MASP1: variants seen among roughly 807,000 people sequenced by gnomAD.
The protein encoded by MASP1 is MBL associated serine protease 1.
A neutral mutation model predicts 77.1 loss-of-function variants in MASP1; 59 were observed. The observed-to-expected ratio is 0.77, with a 90% CI of 0.62 to 0.95. The LOEUF (loss-of-function observed/expected upper bound fraction) is 0.95. MASP1 is among the 40% of genes least tolerant of loss of function. The pLI, the probability that MASP1 is intolerant of heterozygous loss-of-function variation, is 0.00. For synonymous variants in MASP1, 362 were observed against 354.5 expected (o/e 1.02, Z -0.24); for missense variants, 885 against 912.9 (o/e 0.97, Z 0.39).
chr3:187,236,521 G>T lies in MASP1; in HGVS notation c.1350C>A (p.Ile450=), dbSNP rs143748671. ...CAGGCTCAGCATTTCGGCCCCCAAT[G>T]ATCCTCTTGACCAGGCTTGGCAGGG... ...SRSLPSLVKR[I]IGGRNAEPGL... The change falls in exon 11 of 11, where the codon ATC becomes ATA. Residue 450 remains isoleucine, a synonymous_variant. Coordinates refer to ENST00000296280, the MANE Select transcript of MASP1 (RefSeq NM_139125.4). 6.2e-7 allele frequency: 1 copy of T among 1,613,928 alleles called. No homozygotes were observed. Among genetic ancestry groups the T allele is most frequent in the Non-Finnish European group, 8.5e-7 (1 of 1,179,986 alleles).
At chr3:187,278,956 T>A (rs1235503484) in intron 2 of MASP1, among the ~76,000 whole-genome samples, 5 of 152,154 alleles carry the variant, frequency 3.3e-5, no homozygotes, top group Non-Finnish European at 4.4e-5. Flanking sequence ...CTCGACTGTG[T>A]CACATCCCCG....
chr3:187,290,692 C>T (rs181582760), intron 1 of MASP1, among the ~76,000 whole-genome samples: 3 of 151,532 alleles, frequency 2.0e-5, no homozygotes, highest in Admixed American at 2.0e-4. Context: ...AGAAGAGAAA[C>T]AAATAAAAAC....
intron 5 of MASP1, 113 bp downstream of exon 5, chr3:187,256,551 G>C (rs1239306800): frequency 2.1e-6 from 2 of 944,320 alleles, no homozygotes; most frequent in Non-Finnish European, 3.4e-6. Context: ...TGAGGAACTA[G>C]CTGCTAGGCT....
At chr3:187,246,937 A>G in intron 8 of MASP1, 1 of 1,075,682 alleles carries the variant, frequency 9.3e-7, no homozygotes, top group Non-Finnish European at 1.1e-6. Context: ...GTTCATTTAA[A>G]CTTGACATGT....
chr3:187,221,479 T>C (rs769280691), intron 14 of MASP1, among the ~76,000 whole-genome samples: 39 of 152,324 alleles, frequency 2.6e-4, no homozygotes, highest in Non-Finnish European at 4.1e-4. Flanking sequence ...AAATGAAGTT[T>C]GGTTTTCTTT....
At chr3:187,224,571 C>T (rs971397785) in intron 13 of MASP1, among the ~76,000 whole-genome samples, 3 of 152,058 alleles carry the variant, frequency 2.0e-5, no homozygotes, top group Middle Eastern at 3.4e-3. Flanking sequence ...TGGTCTCGAT[C>T]TCCTGACCTC....
chr3:187,222,397 C>T (rs1712117119), intron 14 of MASP1, among the ~76,000 whole-genome samples: 3 of 152,146 alleles, frequency 2.0e-5, no homozygotes, highest in East Asian at 1.9e-4. Flanking sequence ...AATAGACCCC[C>T]GGGAGTTAGT....
At position 187,246,332 on chromosome 3, in the gene MASP1, A is replaced by G. The variant is rs575619130; in HGVS notation, c.1091-2711T>C. On this transcript the variant is annotated intron_variant, in intron 8 of 10. Transcript: ENST00000296280. ...CTTAAATTCTGATGCCCTGTATGTC[A>G]CTGAGTATGAATGCTGTTAATACGT... 5.1e-5 allele frequency: 49 copies of G among 966,318 alleles called. No homozygotes were observed. The African/African-American group carries it at 8.1e-4, about 16-fold the overall frequency. The allele number at this position is 966,318 out of a possible 1,614,324, so 59.9% of individuals were successfully genotyped here. A position where few individuals can be genotyped will look rare whatever the true frequency, so the allele number is the denominator to read the frequency against.
At chr3:187,221,653 C>A in intron 14 of MASP1, among the ~76,000 whole-genome samples, 1 of 152,166 alleles carries the variant, frequency 6.6e-6, no homozygotes, top group East Asian at 1.9e-4. Context: ...ACTACACACA[C>A]TGTATAAATA....
chr3:187,238,412 G>A (rs1183822849), intron 10 of MASP1, among the ~76,000 whole-genome samples: 1 of 152,194 alleles, frequency 6.6e-6, no homozygotes, highest in African/African-American at 2.4e-5. Context: ...ATGTGTTCTT[G>A]TCCTTTTAAG....
chr3:187,288,356 G>T (rs1718023906), intron 1 of MASP1, among the ~76,000 whole-genome samples: 1 of 152,220 alleles, frequency 6.6e-6, no homozygotes, highest in Non-Finnish European at 1.5e-5. Flanking sequence ...AAATGAACCA[G>T]TGTTAACAGG....
chr3:187,268,749 T>C (rs1418201578), intron 2 of MASP1, among the ~76,000 whole-genome samples: 5 of 151,974 alleles, frequency 3.3e-5, no homozygotes, highest in African/African-American at 1.2e-4. Flanking sequence ...ACTAGCTGGG[T>C]TGGAAAACAG....
downstream of MASP1, among the ~76,000 whole-genome samples, chr3:187,232,946 G>A (rs1381053800): frequency 6.6e-6 from 1 of 152,178 alleles, no homozygotes; most frequent in Non-Finnish European, 1.5e-5. Flanking sequence ...TGCGTCCCAT[G>A]GTGAGACTTC....
intron 1 of MASP1, among the ~76,000 whole-genome samples, chr3:187,290,435 A>G (rs1015800897): frequency 1.3e-5 from 2 of 152,264 alleles, no homozygotes; most frequent in Admixed American, 1.3e-4. Flanking sequence ...AGACCAGATC[A>G]TTGACAGATA....
At chr3:187,225,779 A>G (rs1204667401) in intron 12 of MASP1, among the ~76,000 whole-genome samples, 2 of 152,140 alleles carry the variant, frequency 1.3e-5, no homozygotes, top group African/African-American at 4.8e-5. Context: ...AATCCCTATC[A>G]TCACCTTCAG....
At chr3:187,252,884 C>G (rs1714737215) in intron 6 of MASP1, among the ~76,000 whole-genome samples, 1 of 152,208 alleles carries the variant, frequency 6.6e-6, no homozygotes, top group Non-Finnish European at 1.5e-5. Flanking sequence ...GGGTAGAGTT[C>G]AGGAAACAAG....
At chr3:187,279,532 T>C (rs914393543) in intron 2 of MASP1, among the ~76,000 whole-genome samples, 2 of 152,246 alleles carry the variant, frequency 1.3e-5, no homozygotes, top group Non-Finnish European at 2.9e-5. Flanking sequence ...GTGAAATTAA[T>C]TCAACCTTTG....
chr3:187,224,853 A>G (rs1040257317), intron 13 of MASP1, among the ~76,000 whole-genome samples: 8 of 152,194 alleles, frequency 5.3e-5, no homozygotes, highest in Non-Finnish European at 1.2e-4. Flanking sequence ...AGTAGTGGCC[A>G]TTGTTTCCAG....
chr3:187,225,418 G>C (rs72549170), exon 13 of MASP1: 2 of 1,614,218 alleles, frequency 1.2e-6, no homozygotes, highest in Non-Finnish European at 1.7e-6. Flanking sequence ...CGTCATTCTC[G>C]AATGTGTTGG....
Sources: allele counts gnomAD v4.1 joint callset (sites outside exome capture counted in the v4.1 genomes callset), GRCh38; gene constraint gnomAD v4.1.1; transcripts MANE v1.5; gene names NCBI Gene and HGNC (gene_info 2026-07-23, HGNC 2026-07-21).